Variants in ABCC1 observed in about 807,000 individuals in gnomAD.
ABCC1 encodes ATP binding cassette subfamily C member 1 (ABCC1 blood group), also known as multidrug resistance-associated protein 1.
A neutral mutation model predicts 172.9 loss-of-function variants in ABCC1; 83 were observed. That is an observed-to-expected ratio of 0.48 (90% CI 0.40 to 0.58). The LOEUF is 0.58. Ranked by LOEUF, ABCC1 falls within the 20% of genes least tolerant of loss-of-function variation. The pLI, the probability that ABCC1 is intolerant of heterozygous loss-of-function variation, is 0.00. For missense variants in ABCC1, 1,817 were observed against 2,002.7 expected (o/e 0.91, Z 1.77); for synonymous variants, 937 against 825.2 (o/e 1.14, Z -2.32).
At chr16:15,991,409 A>G (rs574827276) in intron 1 of ABCC1, among the ~76,000 whole-genome samples, 57 of 152,208 alleles carry the variant, frequency 3.7e-4, no homozygotes, top group African/African-American at 1.3e-3. Flanking sequence ...TGCAATATAC[A>G]TGAAAAGTAC....
At chr16:15,972,184 G>A (rs989865063) in intron 1 of ABCC1, among the ~76,000 whole-genome samples, 4 of 152,068 alleles carry the variant, frequency 2.6e-5, no homozygotes, top group Non-Finnish European at 4.4e-5. Context: ...AGTGGACACG[G>A]TATTCAAACC....
intron 13 of ABCC1, among the ~76,000 whole-genome samples, chr16:16,069,016 C>T (rs982251564): frequency 1.3e-5 from 2 of 150,432 alleles, no homozygotes; most frequent in African/African-American, 4.9e-5. Context: ...AAGAAAAACC[C>T]CAACCTTACG....
chr16:16,089,611 T>C (rs965307846), intron 18 of ABCC1, among the ~76,000 whole-genome samples: 2 of 151,638 alleles, frequency 1.3e-5, no homozygotes, highest in Non-Finnish European at 1.5e-5. Context: ...GGCTCACACC[T>C]GTAATCCTAA....
chr16:16,027,269 C>A (rs2048406867), intron 5 of ABCC1, among the ~76,000 whole-genome samples: 1 of 152,120 alleles, frequency 6.6e-6, no homozygotes, highest in Non-Finnish European at 1.5e-5. Context: ...ATACTTGAGG[C>A]TTTGCATCCC....
intron 1 of ABCC1, among the ~76,000 whole-genome samples, chr16:15,967,840 C>G (rs935133627): frequency 5.3e-5 from 8 of 151,544 alleles, no homozygotes; most frequent in Admixed American, 2.0e-4. Flanking sequence ...TATCACAACT[C>G]TGAGAACTGC....
At chr16:16,107,247 C>CAA (rs2052166049) in intron 21 of ABCC1, among the ~76,000 whole-genome samples, 1 of 152,156 alleles carries the variant, frequency 6.6e-6, no homozygotes, top group Admixed American at 6.6e-5. Flanking sequence ...CGGTTGTGCA[C>CAA]AGACGCATTA....
chr16:15,955,350 T>C (rs215103), intron 1 of ABCC1, among the ~76,000 whole-genome samples: 19,099 of 151,992 alleles, frequency 0.13, 1,504 homozygotes, highest in East Asian at 0.34. Context: ...AGTGAGACTC[T>C]GTCTCAAAAA....
chr16:15,976,536 A>T (rs150046564), intron 1 of ABCC1, among the ~76,000 whole-genome samples: 28 of 152,234 alleles, frequency 1.8e-4, no homozygotes, highest in Non-Finnish European at 1.3e-4. Context: ...CCCATGCTCC[A>T]TCTTGCCCCA....
chr16:16,063,861 T>A (rs961394518), intron 12 of ABCC1, among the ~76,000 whole-genome samples: 1 of 152,154 alleles, frequency 6.6e-6, no homozygotes, highest in African/African-American at 2.4e-5. Flanking sequence ...TGAGTCTCAT[T>A]GGTTGTGGTC....
intron 21 of ABCC1, among the ~76,000 whole-genome samples, chr16:16,108,273 CTTTTTTTTTTT>C (rs79826916): frequency 1.6e-4 from 17 of 106,336 alleles, no homozygotes; most frequent in Middle Eastern, 4.7e-3. Context: ...TTCTTTGTGT[CTTTTTTTTTTT>C]TTTTTTTTTT....
At position 16,046,022 on chromosome 16, in the gene ABCC1, C is replaced by T. The variant is rs483352877; in HGVS notation, c.1218+9C>T. On this transcript the variant is annotated intron_variant, in intron 9 of 30. Coordinates refer to ENST00000399410, the MANE Select transcript of ABCC1 (RefSeq NM_004996.4). ...GGGCTGTCTATCGGAAGGTAGGGGA[C>T]GCTGTGCCATTGGCATGTGGCCCGA... The T allele has an allele frequency of 1.7e-5, 27 of 1,613,526 alleles. No individual in the cohort carries two copies. The highest frequency in any genetic ancestry group is 5.0e-5 in the Admixed American group (3 of 59,976).
intron 1 of ABCC1, among the ~76,000 whole-genome samples, chr16:15,977,270 T>A (rs2046515820): frequency 6.6e-6 from 1 of 152,248 alleles, no homozygotes; most frequent in African/African-American, 2.4e-5. Flanking sequence ...GTCTGGGTGA[T>A]GCAGCATTTT....
At chr16:15,961,295 G>A (rs2046126051) in intron 1 of ABCC1, among the ~76,000 whole-genome samples, 1 of 152,170 alleles carries the variant, frequency 6.6e-6, no homozygotes, top group Non-Finnish European at 1.5e-5. Context: ...TTGTTCGTAA[G>A]ATGATGAGGT....
chr16:16,045,897 G>A lies in ABCC1; in HGVS notation c.1102G>A (p.Val368Met), dbSNP rs200520366. Reference sequence around the variant, plus strand: ...AGACTGGCAGGGCTACTTCTACACCGTGCTGCTGTTTGTCACTGCCTGCCT... The same window carrying A: ...AGACTGGCAGGGCTACTTCTACACCATGCTGCTGTTTGTCACTGCCTGCCT... ...APDWQGYFYT[V>M]LLFVTACLQT... The change falls in exon 9 of 31, where the codon GTG (valine) becomes ATG (methionine). Residue 368 changes from valine (V) to methionine (M), a missense_variant. Physicochemically the swap from Val to Met is conservative, Grantham distance 21. Transcript: ENST00000399410. 1.6e-5 allele frequency: 26 copies of A among 1,614,000 alleles called. No individual in the cohort carries two copies. The highest frequency in any genetic ancestry group is 2.1e-5 in the Non-Finnish European group (25 of 1,180,028).
chr16:16,134,599 C>T, intron 28 of ABCC1, 91 bp downstream of exon 28: 4 of 738,038 alleles, frequency 5.4e-6, no homozygotes, highest in Non-Finnish European at 8.7e-6. Flanking sequence ...TTGGGGCAAA[C>T]ATACATTTGG....
At chr16:16,085,027 T>A (rs1423240145) in intron 17 of ABCC1, among the ~76,000 whole-genome samples, 1 of 152,146 alleles carries the variant, frequency 6.6e-6, no homozygotes, top group Non-Finnish European at 1.5e-5. Context: ...ACCTAGGTAA[T>A]CATTGAGGAA....
chr16:15,957,100 G>A (rs1339392240), intron 1 of ABCC1, among the ~76,000 whole-genome samples: 1 of 151,798 alleles, frequency 6.6e-6, no homozygotes, highest in East Asian at 1.9e-4. Context: ...ATTTTTTTGA[G>A]ACAGGGTCTT....
intron 16 of ABCC1, among the ~76,000 whole-genome samples, chr16:16,080,877 G>A (rs572603897): frequency 4.7e-5 from 2 of 42,950 alleles, no homozygotes; most frequent in East Asian, 1.3e-3. Flanking sequence ...TTGTTGTTGT[G>A]GGTTTTGAGA....
chr16:15,992,376 A>G (rs2384939), intron 1 of ABCC1, among the ~76,000 whole-genome samples: 16,627 of 152,020 alleles, frequency 0.11, 974 homozygotes, highest in Middle Eastern at 0.15. Context: ...CACAAAACCT[A>G]TCCTTGCTGC....
Sources: allele counts gnomAD v4.1 joint callset (sites outside exome capture counted in the v4.1 genomes callset), GRCh38; gene constraint gnomAD v4.1.1; transcripts MANE v1.5; gene names NCBI Gene and HGNC (gene_info 2026-07-23, HGNC 2026-07-21).